MYO7B: variants seen among roughly 807,000 people sequenced by gnomAD.
The protein encoded by MYO7B is unconventional myosin-VIIb.
MYO7B carries 212 observed loss-of-function variants against 259.7 expected under a neutral mutation model. The observed-to-expected ratio is 0.82, with a 90% CI of 0.73 to 0.91. The LOEUF (loss-of-function observed/expected upper bound fraction) is 0.91. Ranked by LOEUF, MYO7B falls within the 40% of genes least tolerant of loss-of-function variation. MYO7B has a pLI of 0.00. For missense variants in MYO7B, 2,732 were observed against 2,813.5 expected (o/e 0.97, Z 0.66); for synonymous variants, 1,197 against 1,166.4 (o/e 1.03, Z -0.54).
chr2:127,582,593 G>A (rs1679148181), intron 12 of MYO7B, 147 bp downstream of exon 12: 1 of 973,564 alleles, frequency 1.0e-6, no homozygotes, highest in East Asian at 2.6e-5. Flanking sequence ...GCATGGGGTG[G>A]CTGCTGTCCC....
In MYO7B at chr2:127,612,460, G is replaced by A; in HGVS notation, c.3271-16G>A. 3.2e-6 allele frequency: 5 copies of A among 1,551,934 alleles called. No individual in the cohort carries two copies. The highest frequency in any genetic ancestry group is 4.4e-6 in the Non-Finnish European group (5 of 1,147,194). ...GAGAATCATAGCTGTCCTGATGGCT[G>A]CCTTTGGGTTTCAAGGTGGCCAGCC... On this transcript the variant is annotated splice_polypyrimidine_tract_variant and intron_variant, in intron 25 of 47. Coordinates refer to ENST00000409816, the MANE Select transcript of MYO7B (RefSeq NM_001393586.1).
rs1015686525 is a variant in MYO7B at position 127,615,249 on chromosome 2, A to G, written c.3398+2646A>G. ...AGGGGTGTTTGCCAGACAGAGGGAAAGGGTAGACGGGTCACCCGTGACAGA... is the reference window on the plus strand; with the variant it reads ...AGGGGTGTTTGCCAGACAGAGGGAAGGGGTAGACGGGTCACCCGTGACAGA... On this transcript the variant is annotated intron_variant, in intron 26 of 47. Coordinates refer to ENST00000409816, the MANE Select transcript of MYO7B (RefSeq NM_001393586.1). The surrounding 1 kb of genome is among the most constrained non-coding windows in gnomAD (Gnocchi z 4.4). Among the ~76,000 whole-genome samples, 1 of 152,196 alleles carries G rather than the reference A, an allele frequency of 6.6e-6. No homozygotes were observed. Among genetic ancestry groups the G allele is most frequent in the Admixed American group, 6.5e-5 (1 of 15,282 alleles).
intron 27 of MYO7B, 141 bp downstream of exon 27, chr2:127,620,607 C>A: frequency 9.4e-7 from 1 of 1,068,082 alleles, no homozygotes; most frequent in Non-Finnish European, 1.3e-6. Flanking sequence ...GGCAGCCATG[C>A]CTATGCTTCT....
In MYO7B at chr2:127,609,641, T is replaced by C. The variant is rs1464503499; in HGVS notation, c.2950T>C (p.Ser984Pro). ...PKFAVTYFQKSASHTHIRRPL... is the reference protein window; with the variant it reads ...PKFAVTYFQKPASHTHIRRPL... Reference sequence around the variant, plus strand: ...GTTTGCTGTGACTTACTTCCAGAAATCAGCCAGCCACACACACATCCGGCG... The same window carrying C: ...GTTTGCTGTGACTTACTTCCAGAAACCAGCCAGCCACACACACATCCGGCG... Residue 984 changes from serine to proline, a missense_variant, in exon 23 of 48, where the codon TCA becomes CCA. Coordinates refer to ENST00000409816, the MANE Select transcript of MYO7B (RefSeq NM_001393586.1). The surrounding 1 kb of genome is among the most constrained non-coding windows in gnomAD (Gnocchi z 6.9). The C allele has an allele frequency of 6.2e-7, 1 of 1,613,916 alleles. No individual in the cohort carries two copies. Among genetic ancestry groups the C allele is most frequent in the South Asian group, 1.1e-5 (1 of 91,080 alleles).
chr2:127,578,822 A>G (rs183660739), intron 9 of MYO7B, among the ~76,000 whole-genome samples: 1 of 152,322 alleles, frequency 6.6e-6, no homozygotes, highest in African/African-American at 2.4e-5. Flanking sequence ...CAGAAATAAT[A>G]AACAGTAGAA....
At position 127,584,011 on chromosome 2, in the gene MYO7B, T is replaced by C; in HGVS notation, c.1344-111T>C. ...TACACGAGGTGTGCATCTGTGGGCA[T>C]ATCTGTATGCAGCTGTTTGCAGATG... On this transcript the variant is annotated intron_variant, in intron 12 of 47. Coordinates refer to ENST00000409816, the MANE Select transcript of MYO7B (RefSeq NM_001393586.1). The surrounding 1 kb of genome is among the most constrained non-coding windows in gnomAD (Gnocchi z 5.8). The C allele has an allele frequency of 1.6e-5, 15 of 927,470 alleles. 1 individual carries two copies. In the South Asian group the frequency reaches 1.9e-4, roughly 12 times the overall value. The allele number at this position is 927,470 out of a possible 1,614,324, so 57.5% of individuals were successfully genotyped here.
chr2:127,572,617 G>A (rs992066595), intron 6 of MYO7B, among the ~76,000 whole-genome samples: 2 of 128,602 alleles, frequency 1.6e-5, no homozygotes, highest in African/African-American at 5.8e-5. Context: ...CTCTTTGTTT[G>A]TTTTGCATGT....
chr2:127,590,545 G>A lies in MYO7B; in HGVS notation c.1992+316G>A, dbSNP rs1257722687. On this transcript the variant is annotated intron_variant, in intron 16 of 47. Transcript: ENST00000409816. The surrounding 1 kb of genome is among the most constrained non-coding windows in gnomAD (Gnocchi z 4.6). Reference sequence around the variant, plus strand: ...AAGTCAGACTTGCTCCTGCCTGCAGGAATGCACTGAGGGTTGGACATGAGG... The same window carrying A: ...AAGTCAGACTTGCTCCTGCCTGCAGAAATGCACTGAGGGTTGGACATGAGG... Among the ~76,000 whole-genome samples, 2 of 152,250 alleles carry A rather than the reference G, an allele frequency of 1.3e-5. No individual in the cohort carries two copies. Among genetic ancestry groups the A allele is most frequent in the Non-Finnish European group, 2.9e-5 (2 of 68,048 alleles).
At chr2:127,624,758 G>A (rs963892397) in intron 30 of MYO7B, among the ~76,000 whole-genome samples, 8 of 152,230 alleles carry the variant, frequency 5.3e-5, no homozygotes, top group South Asian at 2.1e-4. Context: ...TGGACCGTGC[G>A]GAGTGTACCG....
Position 127,612,609 on chromosome 2 carries a change from T to C in MYO7B, c.3398+6T>C. On this transcript the variant is annotated splice_donor_region_variant and intron_variant, in intron 26 of 47. Transcript: ENST00000409816. Reference sequence around the variant, plus strand: ...ATCCTGCGGCCCAGCCTCAGGTCAGTTCCCACTCCCATCCCGGCCCCATTC... The same window carrying C: ...ATCCTGCGGCCCAGCCTCAGGTCAGCTCCCACTCCCATCCCGGCCCCATTC... 1 of 1,609,824 alleles carries C rather than the reference T, an allele frequency of 6.2e-7. No homozygotes were observed. The highest frequency in any genetic ancestry group is 8.5e-7 in the Non-Finnish European group (1 of 1,178,734).
In MYO7B at chr2:127,616,886, A is replaced by G. The variant is rs55711743; in HGVS notation, c.3399-3454A>G. 5.9e-3 allele frequency among the ~76,000 whole-genome samples: 906 copies of G among 152,280 alleles called. 8 individuals are homozygous for G. Among genetic ancestry groups the G allele is most frequent in the African/African-American group, 0.02 (839 of 41,558 alleles). On this transcript the variant is annotated intron_variant, in intron 26 of 47. Coordinates refer to ENST00000409816, the MANE Select transcript of MYO7B (RefSeq NM_001393586.1). ...TGAGCCCAATGATTTCCTTTATTGCAATGAGGGCAAAGTCTTGGTGTTTTT... is the reference window on the plus strand; with the variant it reads ...TGAGCCCAATGATTTCCTTTATTGCGATGAGGGCAAAGTCTTGGTGTTTTT...
intron 30 of MYO7B, among the ~76,000 whole-genome samples, chr2:127,624,928 A>G (rs937683958): frequency 6.6e-6 from 1 of 152,192 alleles, no homozygotes. Flanking sequence ...TGGAAGAGGC[A>G]TGGGCAGGGG....
chr2:127,565,272 C>A lies in MYO7B; in HGVS notation c.172C>A (p.Pro58Thr). The change falls in exon 4 of 48, where the codon CCC (proline) becomes ACC (threonine). Residue 58 changes from proline to threonine, a missense_variant. By Grantham distance (38) the Pro-to-Thr change is conservative. Around this residue, in one of 3 missense-constraint regions of MYO7B, gnomAD observed 1,906 missense variants for 2,026.4 expected, o/e 0.94. Coordinates refer to ENST00000409816, the MANE Select transcript of MYO7B (RefSeq NM_001393586.1). ...IRAEDFGVLSPMHPNSVQGVD... is the reference protein window; with the variant it reads ...IRAEDFGVLSTMHPNSVQGVD... Reference sequence around the variant, plus strand: ...AGCAGAGGACTTTGGTGTCCTCAGTCCCATGCACCCCAACTCAGTCCAGGG... The same window carrying A: ...AGCAGAGGACTTTGGTGTCCTCAGTACCATGCACCCCAACTCAGTCCAGGG... 1 of 1,613,994 alleles carries A rather than the reference C, an allele frequency of 6.2e-7. No homozygotes were observed. The highest frequency in any genetic ancestry group is 8.5e-7 in the Non-Finnish European group (1 of 1,179,860).
Position 127,588,505 on chromosome 2 carries a change from C to A in MYO7B, c.1804C>A (p.Leu602Met). ...CAACTTGGAGTTAGCAGAGACCAAG[C>A]TGGGCCATGGGACCATCCGCCAGGC... The part of the protein sequence containing the change: ...IFNLELAETK[L>M]GHGTIRQAKA... The change falls in exon 15 of 48, where the codon CTG (leucine) becomes ATG (methionine). Residue 602 changes from leucine to methionine, a missense_variant. Transcript: ENST00000409816. 1 of 1,613,286 alleles carries A rather than the reference C, an allele frequency of 6.2e-7. No individual in the cohort carries two copies. The highest frequency in any genetic ancestry group is 8.5e-7 in the Non-Finnish European group (1 of 1,179,864).
chr2:127,631,491 G>A, intron 37 of MYO7B, 109 bp from the exon 38 acceptor site: 2 of 1,524,502 alleles, frequency 1.3e-6, no homozygotes, highest in South Asian at 1.3e-5. Context: ...GGAGTGGCGG[G>A]ACAGAGCCCA....
chr2:127,611,399 C>T lies in MYO7B; in HGVS notation c.3193-851C>T, dbSNP rs1250233323. Among the ~76,000 whole-genome samples the T allele has an allele frequency of 1.3e-5, 2 of 152,186 alleles. No individual in the cohort carries two copies. Among genetic ancestry groups the T allele is most frequent in the Non-Finnish European group, 2.9e-5 (2 of 68,026 alleles). ...TGGGAGGCAGTCCAGCCAACCAGCA[C>T]CTCTGAAGGGTGGACATGGGGGGAA... On this transcript the variant is annotated intron_variant, in intron 24 of 47. Transcript: ENST00000409816. The surrounding 1 kb of genome is among the most constrained non-coding windows in gnomAD (Gnocchi z 5.4).
At chr2:127,558,844 G>T (rs1677944338) in intron 1 of MYO7B, among the ~76,000 whole-genome samples, 1 of 152,190 alleles carries the variant, frequency 6.6e-6, no homozygotes, top group African/African-American at 2.4e-5. Flanking sequence ...TAAGCTATGA[G>T]GATGCAAAGG....
In MYO7B at chr2:127,617,855, GT is replaced by G. The variant is rs34544960; in HGVS notation, c.3399-2471del. ...TGGTTTTAGTTTTTTCTGGGCTTTA[GT>G]TTTTTTTTTTTTTGCTCCAGCAGAC... On this transcript the variant is annotated intron_variant, in intron 26 of 47. Transcript: ENST00000409816. 5.1e-4 allele frequency among the ~76,000 whole-genome samples: 71 copies of G among 139,914 alleles called. 1 individual carries two copies. The highest frequency in any genetic ancestry group is 6.2e-4 in the East Asian group (3 of 4,842). The allele number at this position is 139,914 out of a possible 152,430, so 91.8% of individuals were successfully genotyped here. A position where few individuals can be genotyped will look rare whatever the true frequency, so the allele number is the denominator to read the frequency against.
chr2:127,618,345 T>C (rs182898972), intron 26 of MYO7B, among the ~76,000 whole-genome samples: 1 of 152,338 alleles, frequency 6.6e-6, no homozygotes, highest in East Asian at 1.9e-4. Flanking sequence ...CTACTCCTAG[T>C]AAGCAAAGAC....
Sources: gnomAD v4.1 joint callset for allele counts (sites outside exome capture counted in the v4.1 genomes callset) on GRCh38, gnomAD v4.1.1 for gene constraint, gnomAD v4.1.1 regional missense constraint, Gnocchi (gnomAD v3.1) non-coding constraint, MANE v1.5 for transcripts, NCBI Gene and HGNC (gene_info 2026-07-23, HGNC 2026-07-21) for gene names.